Variants in PPP1CB observed in about 807,000 individuals in gnomAD.
The protein encoded by PPP1CB is protein phosphatase 1 catalytic subunit beta.
Under a neutral mutation model 43.7 loss-of-function variants are expected in PPP1CB, and 2 were observed. That is an observed-to-expected ratio of 0.05 (90% CI 0.02 to 0.14). The LOEUF is 0.14. PPP1CB is among the 10% of genes least tolerant of loss of function. The pLI is 1.00. For synonymous variants in PPP1CB, 136 were observed against 135.6 expected (o/e 1.00, Z -0.02); for missense variants, 84 against 398.0 (o/e 0.21, Z 6.71).
At chr2:28,771,120 C>T (rs1032213071) in intron 1 of PPP1CB, among the ~76,000 whole-genome samples, 1 of 133,918 alleles carries the variant, frequency 7.5e-6, no homozygotes, top group Non-Finnish European at 1.5e-5. Context: ...GTGGCACGAT[C>T]GTGGCTCACT....
intron 1 of PPP1CB, among the ~76,000 whole-genome samples, chr2:28,763,921 G>T (rs940785571): frequency 7.6e-6 from 1 of 130,894 alleles, no homozygotes; most frequent in Non-Finnish European, 1.7e-5. Flanking sequence ...GGTCAGGCTG[G>T]TCTTGAACTG....
chr2:28,759,647 C>T (rs1320184269), intron 1 of PPP1CB, among the ~76,000 whole-genome samples: 2 of 144,346 alleles, frequency 1.4e-5, no homozygotes, highest in Non-Finnish European at 3.0e-5. Context: ...GACAGAGTTT[C>T]GCTCTTGTTG....
chr2:28,752,110 G>C lies in PPP1CB; in HGVS notation c.-15G>C. 6.5e-7 allele frequency: 1 copy of C among 1,550,204 alleles called. No homozygotes were observed. Among genetic ancestry groups the C allele is most frequent in the Non-Finnish European group, 8.7e-7 (1 of 1,146,312 alleles). Reference sequence around the variant, plus strand: ...CTTGTTCCCGCTGCTGGGAAGGAGAGTCTGTGCCGACAAGATGGCGGACGG... The same window carrying C: ...CTTGTTCCCGCTGCTGGGAAGGAGACTCTGTGCCGACAAGATGGCGGACGG... On this transcript the variant is annotated 5_prime_UTR_variant, in exon 1 of 8. Transcript: ENST00000395366.
chr2:28,787,590 A>G (rs543368439), intron 5 of PPP1CB, among the ~76,000 whole-genome samples: 68 of 152,338 alleles, frequency 4.5e-4, no homozygotes, highest in Admixed American at 1.7e-3. Context: ...TCAATCACCA[A>G]GAAACTTGCA....
intron 1 of PPP1CB, among the ~76,000 whole-genome samples, chr2:28,756,306 G>T (rs1666487555): frequency 6.6e-6 from 1 of 152,138 alleles, no homozygotes; most frequent in Non-Finnish European, 1.5e-5. Flanking sequence ...TACATTTTTG[G>T]CCCACTTACA....
At chr2:28,785,317 A>G (rs575404939) in intron 5 of PPP1CB, among the ~76,000 whole-genome samples, 36 of 151,346 alleles carry the variant, frequency 2.4e-4, no homozygotes, top group African/African-American at 8.5e-4. Flanking sequence ...CTTGTGATCC[A>G]CCCACCTTGG....
At chr2:28,798,793 AG>A (rs1667548333) in intron 7 of PPP1CB, among the ~76,000 whole-genome samples, 1 of 152,048 alleles carries the variant, frequency 6.6e-6, no homozygotes, top group Admixed American at 6.6e-5. Flanking sequence ...TTAAGTAAAA[AG>A]ATCTATTTAT....
chr2:28,779,185 A>G, intron 3 of PPP1CB, 146 bp downstream of exon 3: 1 of 587,806 alleles, frequency 1.7e-6, no homozygotes, highest in Non-Finnish European at 2.9e-6. Flanking sequence ...AAACTGGGAA[A>G]CATGTTACTA....
chr2:28,754,408 A>G (rs4233728), intron 1 of PPP1CB, among the ~76,000 whole-genome samples: 84,420 of 150,714 alleles, frequency 0.56, 24,404 homozygotes, highest in South Asian at 0.73. Flanking sequence ...GCAAGCGTTA[A>G]CAAGTTGACC....
At chr2:28,782,925 C>T (rs773151053) in intron 4 of PPP1CB, 5 of 152,058 alleles carry the variant, frequency 3.3e-5, no homozygotes, top group African/African-American at 7.2e-5. Flanking sequence ...ATATGTTTTC[C>T]AGTAGACATT....
Position 28,752,109 on chromosome 2 carries a change from A to C in PPP1CB, c.-16A>C, listed in dbSNP as rs1490302138. On this transcript the variant is annotated 5_prime_UTR_variant, in exon 1 of 8. Coordinates refer to ENST00000395366, the MANE Select transcript of PPP1CB (RefSeq NM_002709.3). Reference sequence around the variant, plus strand: ...CCTTGTTCCCGCTGCTGGGAAGGAGAGTCTGTGCCGACAAGATGGCGGACG... The same window carrying C: ...CCTTGTTCCCGCTGCTGGGAAGGAGCGTCTGTGCCGACAAGATGGCGGACG... 6.5e-7 allele frequency: 1 copy of C among 1,549,512 alleles called. No individual in the cohort carries two copies. Among genetic ancestry groups the C allele is most frequent in the African/African-American group, 1.4e-5 (1 of 72,688 alleles).
At chr2:28,752,222 C>T (rs1559036532) in intron 1 of PPP1CB, 46 bp downstream of exon 1, 1 of 1,486,486 alleles carries the variant, frequency 6.7e-7, no homozygotes, top group South Asian at 1.2e-5. Context: ...CGGGCACCGC[C>T]GCCGACCCCT....
chr2:28,772,300 C>T (rs1270363286), intron 1 of PPP1CB, among the ~76,000 whole-genome samples: 1 of 151,036 alleles, frequency 6.6e-6, no homozygotes, highest in Non-Finnish European at 1.5e-5. Context: ...GACTCCATCT[C>T]AAAAAGAAAA....
chr2:28,780,864 T>A (rs947400218), intron 3 of PPP1CB, among the ~76,000 whole-genome samples: 2 of 152,228 alleles, frequency 1.3e-5, no homozygotes, highest in Non-Finnish European at 2.9e-5. Flanking sequence ...AATTATAGCC[T>A]TTGTGCCTCT....
chr2:28,775,309 G>A (rs547312411), intron 1 of PPP1CB, among the ~76,000 whole-genome samples: 2 of 152,152 alleles, frequency 1.3e-5, no homozygotes, highest in Admixed American at 6.5e-5. Flanking sequence ...GGGTTTCATC[G>A]TGTTGCCCAG....
At chr2:28,779,119 AT>A in intron 3 of PPP1CB, 80 bp downstream of exon 3, 5 of 1,105,386 alleles carry the variant, frequency 4.5e-6, no homozygotes, top group Non-Finnish European at 6.4e-6. Context: ...AGTTGCTTTG[AT>A]TCAGAGTTTT....
At chr2:28,787,186 G>A (rs1459181218) in intron 5 of PPP1CB, among the ~76,000 whole-genome samples, 5 of 152,076 alleles carry the variant, frequency 3.3e-5, no homozygotes, top group Non-Finnish European at 5.9e-5. Flanking sequence ...TTGGCTGGGC[G>A]CGGTGGCTCA....
At position 28,788,430 on chromosome 2, in the gene PPP1CB, G is replaced by C. The variant is rs186059194; in HGVS notation, c.593-228G>C. ...GCACATATTTCCTATATGTGGAAAG[G>C]GTTGGAAAGTACTACCTTAAGAGGC... On this transcript the variant is annotated intron_variant, in intron 5 of 7. Coordinates refer to ENST00000395366, the MANE Select transcript of PPP1CB (RefSeq NM_002709.3). Among the ~76,000 whole-genome samples the C allele has an allele frequency of 2.6e-5, 4 of 152,256 alleles. No homozygotes were observed. In the East Asian group the frequency reaches 7.7e-4, roughly 29 times the overall value.
chr2:28,780,892 T>C (rs3768664), intron 3 of PPP1CB, among the ~76,000 whole-genome samples: 20,442 of 149,930 alleles, frequency 0.14, 1,787 homozygotes, highest in African/African-American at 0.25. Flanking sequence ...CTTGCTATAG[T>C]GCCAAGTTGT....
Sources: allele counts gnomAD v4.1 joint callset (sites outside exome capture counted in the v4.1 genomes callset), GRCh38; gene constraint gnomAD v4.1.1; transcripts MANE v1.5; gene names NCBI Gene and HGNC (gene_info 2026-07-23, HGNC 2026-07-21).